Variants in TBC1D30 observed in about 807,000 individuals in gnomAD.
TBC1D30 encodes TBC1 domain family member 30, also known as TBC1 domain family, member 30.
A neutral mutation model predicts 63.2 loss-of-function variants in TBC1D30; 31 were observed. The observed-to-expected ratio is 0.49, with a 90% CI of 0.37 to 0.66. The LOEUF (loss-of-function observed/expected upper bound fraction) is 0.66. Among genes scored for constraint, TBC1D30 ranks in the 30% least tolerant of loss-of-function variants. The pLI, the probability that TBC1D30 is intolerant of heterozygous loss-of-function variation, is 0.00. For synonymous variants in TBC1D30, 307 were observed against 361.5 expected (o/e 0.85, Z 1.71); for missense variants, 810 against 953.6 (o/e 0.85, Z 1.98).
intron 1 of TBC1D30, among the ~76,000 whole-genome samples, chr12:64,775,202 A>G (rs1035443426): frequency 6.6e-6 from 1 of 152,076 alleles, no homozygotes; most frequent in Non-Finnish European, 1.5e-5. Context: ...CAGTGACACT[A>G]TAAAACAACT....
At chr12:64,843,748 C>G (rs752732440) in intron 8 of TBC1D30, among the ~76,000 whole-genome samples, 29 of 152,180 alleles carry the variant, frequency 1.9e-4, no homozygotes, top group Non-Finnish European at 3.2e-4. Context: ...GAAAAATACA[C>G]TGGAAAAACA....
At chr12:64,766,403 T>C (rs1180657709) in intron 1 of TBC1D30, among the ~76,000 whole-genome samples, 1 of 152,064 alleles carries the variant, frequency 6.6e-6, no homozygotes, top group Non-Finnish European at 1.5e-5. Flanking sequence ...TTCTGGAAAC[T>C]AGTAATAAAG....
chr12:64,864,914 C>T (rs1291015146), intron 9 of TBC1D30, 134 bp downstream of exon 9: 1 of 644,812 alleles, frequency 1.6e-6, no homozygotes, highest in Non-Finnish European at 2.5e-6. Flanking sequence ...TGTCCCTTTC[C>T]AAATGGTTTT....
intron 3 of TBC1D30, among the ~76,000 whole-genome samples, chr12:64,829,871 A>C (rs17100704): frequency 0.03 from 4,610 of 152,320 alleles, 213 homozygotes; most frequent in African/African-American, 0.11. Flanking sequence ...TGGCTCTTTT[A>C]AAAAACTTAC....
intron 1 of TBC1D30, among the ~76,000 whole-genome samples, chr12:64,765,165 A>G (rs1870660160): frequency 6.6e-6 from 1 of 152,160 alleles, no homozygotes; most frequent in Non-Finnish European, 1.5e-5. Flanking sequence ...ATTCAACAAT[A>G]TGAAATTCAC....
chr12:64,796,024 A>G (rs1872242875), intron 2 of TBC1D30, among the ~76,000 whole-genome samples: 1 of 152,088 alleles, frequency 6.6e-6, no homozygotes, highest in African/African-American at 2.4e-5. Flanking sequence ...AGCCTGGTCT[A>G]CCCTGAAATA....
rs899058963 is a variant in TBC1D30, at chr12:64,864,688, G to A, written c.1059G>A (p.Pro353=). ...TACAGACTGTTTATTCCATGGCTCC[G>A]TTCCCTTTCCCACAATTGGCAGAGT... The part of the protein sequence containing the change: ...ELMQTVYSMA[P]FPFPQLAELR... Residue 353 remains proline (P), a synonymous_variant, in exon 9 of 12, where the codon CCG becomes CCA. Transcript: ENST00000539867. 1.6e-5 allele frequency: 24 copies of A among 1,536,164 alleles called. No homozygotes were observed. Among genetic ancestry groups the A allele is most frequent in the African/African-American group, 1.2e-4 (9 of 72,982 alleles).
At chr12:64,798,392 T>A (rs1872401932) in intron 2 of TBC1D30, among the ~76,000 whole-genome samples, 1 of 152,204 alleles carries the variant, frequency 6.6e-6, no homozygotes, top group African/African-American at 2.4e-5. Flanking sequence ...TAACAAATGG[T>A]GGTTTTCACT....
intron 1 of TBC1D30, among the ~76,000 whole-genome samples, chr12:64,826,677 GA>G (rs577179562): frequency 7.4e-5 from 11 of 148,820 alleles, no homozygotes; most frequent in African/African-American, 1.2e-4. Context: ...TTCCTTCGGA[GA>G]AAAAAAAAAC....
intron 2 of TBC1D30, chr12:64,818,484 T>G (rs192566128): frequency 1.2e-6 from 1 of 822,286 alleles, no homozygotes; most frequent in East Asian, 1.2e-4. Flanking sequence ...CAGGCTGGAA[T>G]GCTGGAATGC....
At chr12:64,813,008 G>A (rs1002035185) in intron 2 of TBC1D30, among the ~76,000 whole-genome samples, 2 of 152,224 alleles carry the variant, frequency 1.3e-5, no homozygotes, top group South Asian at 2.1e-4. Flanking sequence ...GGGTGGTAAC[G>A]AAAATAAAGA....
intron 11 of TBC1D30, among the ~76,000 whole-genome samples, chr12:64,872,949 G>A (rs1353356213): frequency 1.3e-5 from 2 of 152,130 alleles, no homozygotes; most frequent in South Asian, 2.1e-4. Context: ...CTCTTACTGG[G>A]TCCCTCCTAC....
chr12:64,860,210 G>A (rs1877670455), intron 8 of TBC1D30, among the ~76,000 whole-genome samples: 1 of 151,698 alleles, frequency 6.6e-6, no homozygotes, highest in Non-Finnish European at 1.5e-5. Context: ...TAGAGATGGG[G>A]TTTCACCATG....
At chr12:64,760,858 T>C (rs1293666552) in intron 1 of TBC1D30, among the ~76,000 whole-genome samples, 1 of 152,136 alleles carries the variant, frequency 6.6e-6, no homozygotes, top group African/African-American at 2.4e-5. Context: ...TTTATTACTT[T>C]GTTTTTTTCA....
intron 2 of TBC1D30, among the ~76,000 whole-genome samples, chr12:64,801,422 T>A (rs1054304918): frequency 3.3e-5 from 5 of 152,220 alleles, no homozygotes; most frequent in African/African-American, 1.2e-4. Context: ...ACAGTACATA[T>A]TTATAATCAT....
intron 2 of TBC1D30, among the ~76,000 whole-genome samples, chr12:64,796,958 A>G (rs1195145259): frequency 4.8e-5 from 7 of 145,456 alleles, no homozygotes; most frequent in African/African-American, 1.5e-4. Flanking sequence ...ATATAAGATG[A>G]TAATATGACT....
intron 2 of TBC1D30, among the ~76,000 whole-genome samples, chr12:64,819,406 C>CTTTTTT (rs55757950): frequency 1.3e-5 from 1 of 77,992 alleles, no homozygotes; most frequent in Non-Finnish European, 2.5e-5. Context: ...GAAGGAACTA[C>CTTTTTT]TTTTTTTTTT....
chr12:64,759,504 G>T, exon 1 of TBC1D30: 1 of 508,652 alleles, frequency 2.0e-6, no homozygotes, highest in South Asian at 3.1e-5. Context: ...GCGGACTGGC[G>T]CAGCCTGGAG....
At chr12:64,786,427 G>T (rs190876493) in intron 2 of TBC1D30, among the ~76,000 whole-genome samples, 2 of 152,114 alleles carry the variant, frequency 1.3e-5, no homozygotes, top group African/African-American at 4.8e-5. Flanking sequence ...CGCCTCCCAG[G>T]TTCAGGCAAT....
Sources: gnomAD v4.1 joint callset for allele counts (sites outside exome capture counted in the v4.1 genomes callset) on GRCh38, gnomAD v4.1.1 for gene constraint, MANE v1.5 for transcripts, NCBI Gene and HGNC (gene_info 2026-07-23, HGNC 2026-07-21) for gene names.